Variants in AFAP1 observed in about 807,000 individuals in gnomAD.
AFAP1 encodes actin filament-associated protein 1.
In AFAP1, 75 loss-of-function variants were observed where a neutral mutation model predicts 93.9. The observed-to-expected ratio is 0.80, with a 90% CI of 0.66 to 0.97. AFAP1 has a LOEUF of 0.97. AFAP1 is among the 50% of genes least tolerant of loss of function. AFAP1 has a pLI of 0.00. For missense variants in AFAP1, 1,201 were observed against 1,050.8 expected (o/e 1.14, Z -1.98); for synonymous variants, 517 against 430.7 (o/e 1.20, Z -2.48).
At chr4:7,856,375 T>A (rs977641884) in intron 3 of AFAP1, among the ~76,000 whole-genome samples, 1 of 152,034 alleles carries the variant, frequency 6.6e-6, no homozygotes, top group Admixed American at 6.5e-5. Flanking sequence ...CCCAAGTAAC[T>A]GGGACTACAG....
chr4:7,845,790 A>C lies in AFAP1; in HGVS notation c.335-2440T>G, dbSNP rs1353710327. On this transcript the variant is annotated intron_variant, in intron 4 of 17. Coordinates refer to ENST00000420658, the MANE Select transcript of AFAP1 (RefSeq NM_001134647.2). ...GCCACAGGGGGTTACTTACATTTCA[A>C]TTTTCATTCAAGTCCCACATGTCAA... is the stretch of plus-strand genomic sequence containing the variant. 2.0e-5 allele frequency among the ~76,000 whole-genome samples: 3 copies of C among 151,812 alleles called. No homozygotes were observed. The East Asian group carries it at 5.8e-4, about 29-fold the overall frequency.
intron 4 of AFAP1, among the ~76,000 whole-genome samples, chr4:7,851,278 A>G (rs1422372955): frequency 6.6e-6 from 1 of 152,094 alleles, no homozygotes; most frequent in East Asian, 1.9e-4. Context: ...CTGACCCATG[A>G]AGGGGCACTC....
intron 16 of AFAP1, among the ~76,000 whole-genome samples, chr4:7,771,547 T>C (rs1217300254): frequency 6.6e-6 from 1 of 152,170 alleles, no homozygotes; most frequent in Non-Finnish European, 1.5e-5. Context: ...TTTGGGAAGA[T>C]GTGAATGATG....
At chr4:7,823,819 G>C (rs904246147) in intron 6 of AFAP1, among the ~76,000 whole-genome samples, 1 of 152,168 alleles carries the variant, frequency 6.6e-6, no homozygotes, top group African/African-American at 2.4e-5. Flanking sequence ...TGGGAGGATC[G>C]CATTCAGCAA....
At chr4:7,894,223 C>G (rs1560223842) in intron 1 of AFAP1, among the ~76,000 whole-genome samples, 2 of 152,172 alleles carry the variant, frequency 1.3e-5, no homozygotes, top group African/African-American at 4.8e-5. Flanking sequence ...AATGTTTTAT[C>G]GGAACACAGA....
chr4:7,913,884 T>C (rs1227318904), intron 1 of AFAP1, among the ~76,000 whole-genome samples: 1 of 152,242 alleles, frequency 6.6e-6, no homozygotes, highest in Non-Finnish European at 1.5e-5. Context: ...CAGCTTTTTC[T>C]AATTGACACA....
chr4:7,778,541 T>G, intron 14 of AFAP1: 1 of 595,956 alleles, frequency 1.7e-6, no homozygotes, highest in South Asian at 1.9e-5. Context: ...ATCCCACAGG[T>G]GGCAAACCAG....
intron 1 of AFAP1, among the ~76,000 whole-genome samples, chr4:7,888,700 C>G (rs1221618693): frequency 1.3e-5 from 2 of 152,100 alleles, no homozygotes; most frequent in East Asian, 3.8e-4. Flanking sequence ...GAAGGGCCAG[C>G]AAATAACTCA....
intron 1 of AFAP1, among the ~76,000 whole-genome samples, chr4:7,916,814 C>T (rs1720107405): frequency 6.6e-6 from 1 of 152,168 alleles, no homozygotes; most frequent in Non-Finnish European, 1.5e-5. Context: ...TCTTCATGCC[C>T]TCTCTCCCTG....
At chr4:7,895,953 C>T (rs1478361045) in intron 1 of AFAP1, among the ~76,000 whole-genome samples, 1 of 151,274 alleles carries the variant, frequency 6.6e-6, no homozygotes, top group East Asian at 1.9e-4. Context: ...CTGTGCCTCC[C>T]ACGTTGAAGC....
At chr4:7,845,684 C>T (rs1577285904) in intron 4 of AFAP1, among the ~76,000 whole-genome samples, 1 of 152,234 alleles carries the variant, frequency 6.6e-6, no homozygotes, top group Non-Finnish European at 1.5e-5. Flanking sequence ...GTCGTTCTCA[C>T]TGGCTCCACA....
chr4:7,887,403 G>T (rs901864479), intron 1 of AFAP1, among the ~76,000 whole-genome samples: 1 of 152,108 alleles, frequency 6.6e-6, no homozygotes, highest in African/African-American at 2.4e-5. Context: ...AATGACGATG[G>T]GTGTTACAGG....
intron 8 of AFAP1, among the ~76,000 whole-genome samples, chr4:7,812,786 G>A (rs564592907): frequency 6.6e-6 from 1 of 152,326 alleles, no homozygotes; most frequent in African/African-American, 2.4e-5. Flanking sequence ...GAATTCAGGT[G>A]CTTTTTAGTA....
chr4:7,843,349 A>C lies in AFAP1; in HGVS notation c.336T>G (p.Asn112Lys), dbSNP rs1294369627. The C allele has an allele frequency of 1.2e-6, 2 of 1,610,816 alleles. No individual in the cohort carries two copies. Among genetic ancestry groups the C allele is most frequent in the Non-Finnish European group, 1.7e-6 (2 of 1,178,346 alleles). ...AGCTGCTCATCGCATCGGAATCATA[A>C]TCTGTAAAAAATAAACATACACTGG... is the stretch of plus-strand genomic sequence containing the variant. The part of the protein sequence containing the change: ...PGKAPEYITS[N>K]YDSDAMSSSY... The change falls in exon 5 of 18, where the codon AAT becomes AAG. Residue 112 changes from asparagine (N) to lysine (K), a missense_variant and splice_region_variant. By Grantham distance (94) the Asn-to-Lys change is moderately conservative. Coordinates refer to ENST00000420658, the MANE Select transcript of AFAP1 (RefSeq NM_001134647.2).
intron 3 of AFAP1, among the ~76,000 whole-genome samples, chr4:7,856,149 C>T (rs1437583694): frequency 6.6e-6 from 1 of 152,178 alleles, no homozygotes; most frequent in Non-Finnish European, 1.5e-5. Context: ...GCTAGGAAAA[C>T]TTTAAAAAAG....
At chr4:7,808,002 G>T (rs2149046924) in intron 9 of AFAP1, among the ~76,000 whole-genome samples, 2 of 152,282 alleles carry the variant, frequency 1.3e-5, no homozygotes, top group Non-Finnish European at 2.9e-5. Flanking sequence ...TGTGGGGCAG[G>T]AACTAAATGA....
intron 1 of AFAP1, among the ~76,000 whole-genome samples, chr4:7,878,095 C>G (rs1222402168): frequency 6.6e-6 from 1 of 152,230 alleles, no homozygotes; most frequent in Non-Finnish European, 1.5e-5. Context: ...GAAGTTCTTG[C>G]AACCAATTCT....
chr4:7,806,163 T>C (rs2149043358), intron 9 of AFAP1, among the ~76,000 whole-genome samples: 1 of 152,338 alleles, frequency 6.6e-6, no homozygotes, highest in African/African-American at 2.4e-5. Context: ...TACGCGGCTG[T>C]GTGCTGAGCT....
chr4:7,869,511 CAT>C (rs775570317), intron 2 of AFAP1, among the ~76,000 whole-genome samples: 2 of 152,230 alleles, frequency 1.3e-5, no homozygotes, highest in Non-Finnish European at 2.9e-5. Context: ...TACAAGCTCA[CAT>C]GTCTTGGGCA....
Sources: allele counts gnomAD v4.1 joint callset (sites outside exome capture counted in the v4.1 genomes callset), GRCh38; gene constraint gnomAD v4.1.1; transcripts MANE v1.5; gene names NCBI Gene and HGNC (gene_info 2026-07-23, HGNC 2026-07-21).